The following PRRC2B variants were observed in gnomAD, a reference collection of about 807,000 sequenced individuals.
PRRC2B encodes proline rich coiled-coil 2B, also known as protein PRRC2B.
In PRRC2B, 68 loss-of-function variants were observed where a neutral mutation model predicts 242.3. The observed-to-expected ratio is 0.28, with a 90% CI of 0.23 to 0.34. PRRC2B has a LOEUF of 0.34. Ranked by LOEUF, PRRC2B falls within the 10% of genes least tolerant of loss-of-function variation. The pLI is 1.00. For synonymous variants in PRRC2B, 1,228 were observed against 1,173.6 expected (o/e 1.05, Z -0.95); for missense variants, 2,835 against 2,954.8 (o/e 0.96, Z 0.94).
chr9:131,445,546 T>A (rs1308244804), intron 6 of PRRC2B, among the ~76,000 whole-genome samples: 3 of 152,186 alleles, frequency 2.0e-5, no homozygotes, highest in Non-Finnish European at 4.4e-5. Flanking sequence ...AACGTAGACA[T>A]AGAAGAAGCT....
At chr9:131,407,416 CAT>C (rs1837395357) in intron 1 of PRRC2B, among the ~76,000 whole-genome samples, 2 of 152,124 alleles carry the variant, frequency 1.3e-5, no homozygotes, top group African/African-American at 4.8e-5. Flanking sequence ...AGTGAGGGTG[CAT>C]GCTCCCTTTT....
chr9:131,431,966 G>T (rs756081230), intron 2 of PRRC2B, among the ~76,000 whole-genome samples: 1 of 151,680 alleles, frequency 6.6e-6, no homozygotes, highest in Non-Finnish European at 1.5e-5. Context: ...GCTAATTTTT[G>T]TATTTTTAGT....
Position 131,436,658 on chromosome 9 carries a change from C to T in PRRC2B, c.332C>T (p.Pro111Leu), listed in dbSNP as rs376010304. 174 of 1,614,030 alleles carry T rather than the reference C, an allele frequency of 1.1e-4. No homozygotes were observed. Among genetic ancestry groups the T allele is most frequent in the African/African-American group, 1.5e-4 (11 of 75,054 alleles). ...ATASQPPESL[P>L]QPGLQKSVSN... ...GCCTCTCAGCCGCCGGAGTCGCTGC[C>T]GCAGCCGGGTTTGCAGAAATCTGTC... The change falls in exon 4 of 32, where the codon CCG becomes CTG. Residue 111 changes from proline to leucine, a missense_variant. Physicochemically the swap from Pro to Leu is moderately conservative, Grantham distance 98. Transcript: ENST00000683519.
At chr9:131,447,387 T>C (rs544076981) in intron 8 of PRRC2B, among the ~76,000 whole-genome samples, 181 bp downstream of exon 8, 39 of 151,730 alleles carry the variant, frequency 2.6e-4, no homozygotes, top group Non-Finnish European at 5.6e-4. Flanking sequence ...ACAGATTGAG[T>C]CATGATTTCA....
intron 1 of PRRC2B, among the ~76,000 whole-genome samples, chr9:131,418,932 G>T (rs1433514813): frequency 6.6e-6 from 1 of 152,212 alleles, no homozygotes; most frequent in African/African-American, 2.4e-5. Flanking sequence ...GAATTTAAGT[G>T]GCTCATGCTG....
chr9:131,418,167 G>C (rs1837708232), intron 1 of PRRC2B, among the ~76,000 whole-genome samples: 1 of 152,218 alleles, frequency 6.6e-6, no homozygotes. Context: ...ATTGCATCAG[G>C]GTGCTGGTGG....
At chr9:131,460,056 A>AT (rs1299495295) in intron 11 of PRRC2B, among the ~76,000 whole-genome samples, 2 of 151,378 alleles carry the variant, frequency 1.3e-5, no homozygotes, top group East Asian at 3.9e-4. Flanking sequence ...TACAAACAAT[A>AT]TTTTTTCTAA....
At position 131,475,805 on chromosome 9, in the gene PRRC2B, C is replaced by G. The variant is rs769475749; in HGVS notation, c.3676C>G (p.His1226Asp). ...RRTFVSKESP[H>D]WQSKSPGSSW... ...AACCTTCGTCTCCAAAGAGTCACCC[C>G]ACTGGCAGAGCAAAAGTCCAGGCAG... Residue 1226 changes from histidine (H) to aspartate (D), a missense_variant, in exon 16 of 32, where the codon CAC becomes GAC. Coordinates refer to ENST00000683519, the MANE Select transcript of PRRC2B (RefSeq NM_013318.4). 7 of 1,612,914 alleles carry G rather than the reference C, an allele frequency of 4.3e-6. No individual in the cohort carries two copies. Among genetic ancestry groups the G allele is most frequent in the Non-Finnish European group, 5.9e-6 (7 of 1,179,040 alleles).
At chr9:131,376,044 CTCAA>C (rs1836679564) in intron 1 of PRRC2B, among the ~76,000 whole-genome samples, 1 of 78,042 alleles carries the variant, frequency 1.3e-5, no homozygotes, top group Non-Finnish European at 2.3e-5. Context: ...GTGAGACTGT[CTCAA>C]AAAAAAAAAA....
intron 1 of PRRC2B, among the ~76,000 whole-genome samples, chr9:131,377,921 A>G (rs1230948552): frequency 6.6e-6 from 1 of 152,040 alleles, no homozygotes; most frequent in Non-Finnish European, 1.5e-5. Flanking sequence ...ACACCTGGCT[A>G]ATTTTTAAAT....
At chr9:131,481,873 A>G (rs1187911522) in intron 20 of PRRC2B, 65 bp downstream of exon 20, 12 of 1,430,270 alleles carry the variant, frequency 8.4e-6, no homozygotes, top group Non-Finnish European at 1.1e-5. Flanking sequence ...CTCACCATCC[A>G]CACGGCCAGC....
Position 131,475,319 on chromosome 9 carries a change from G to T in PRRC2B, c.3190G>T (p.Ala1064Ser), listed in dbSNP as rs1251605583. The stretch of plus-strand genomic sequence containing the variant: ...GCAAGCCTTTGGGGTCAGAGGACAG[G>T]CCCGGGGCCGGGGCCGTGGTTTCAG... ...EEQAFGVRGQARGRGRGFREF... is the reference protein window; with the variant it reads ...EEQAFGVRGQSRGRGRGFREF... Residue 1064 changes from alanine (A) to serine (S), a missense_variant, in exon 16 of 32, where the codon GCC (alanine) becomes TCC (serine). This residue lies in a region of PRRC2B where 1,536 missense variants were observed against 1,483.1 expected (regional missense o/e 1.04). Coordinates refer to ENST00000683519, the MANE Select transcript of PRRC2B (RefSeq NM_013318.4). 1 of 1,598,092 alleles carries T rather than the reference G, an allele frequency of 6.3e-7. No individual in the cohort carries two copies. The highest frequency in any genetic ancestry group is 8.5e-7 in the Non-Finnish European group (1 of 1,173,196).
intron 1 of PRRC2B, among the ~76,000 whole-genome samples, chr9:131,424,026 C>G (rs1015892276): frequency 7.2e-5 from 11 of 152,118 alleles, no homozygotes; most frequent in African/African-American, 2.7e-4. Flanking sequence ...ACCTCCACCT[C>G]CCAGGCTCAA....
chr9:131,466,154 A>G lies in PRRC2B; in HGVS notation c.1720+1076A>G, dbSNP rs147093453. Among the ~76,000 whole-genome samples, 277 of 152,370 alleles carry G rather than the reference A, an allele frequency of 1.8e-3. 2 individuals are homozygous for G. The highest frequency in any genetic ancestry group is 6.3e-3 in the African/African-American group (262 of 41,598). On this transcript the variant is annotated intron_variant, in intron 12 of 31. Transcript: ENST00000683519. ...AAATAAACTCAGATCAGCTCTTGTT[A>G]GGAGACAAGGGGATGTTTGAGGCTC...
intron 1 of PRRC2B, among the ~76,000 whole-genome samples, chr9:131,401,494 C>G (rs1289139720): frequency 2.0e-5 from 3 of 150,994 alleles, no homozygotes; most frequent in Non-Finnish European, 4.4e-5. Flanking sequence ...GGATTACAGG[C>G]ACACGCCACC....
At chr9:131,413,992 AAAAC>A (rs1434482079) in intron 1 of PRRC2B, among the ~76,000 whole-genome samples, 1 of 152,226 alleles carries the variant, frequency 6.6e-6, no homozygotes, top group Non-Finnish European at 1.5e-5. Context: ...TTCTTGAAGA[AAAAC>A]AAAGCTGAAG....
At chr9:131,377,343 A>C (rs1000332522) in intron 1 of PRRC2B, among the ~76,000 whole-genome samples, 1 of 152,102 alleles carries the variant, frequency 6.6e-6, no homozygotes, top group African/African-American at 2.4e-5. Flanking sequence ...TCAATCTCCT[A>C]ACCTCGTGAT....
At chr9:131,495,637 C>T in intron 31 of PRRC2B, 103 bp from the exon 32 acceptor site, 1 of 1,354,086 alleles carries the variant, frequency 7.4e-7, no homozygotes, top group African/African-American at 1.4e-5. Flanking sequence ...CTTAGGGGAG[C>T]TTTCCCTGCA....
intron 25 of PRRC2B, chr9:131,485,782 C>A (rs748865617): frequency 3.1e-6 from 2 of 655,492 alleles, no homozygotes; most frequent in South Asian, 2.7e-5. Context: ...TAGAATGCCC[C>A]TTCGAGTGTC....
Sources: gnomAD v4.1 joint callset for allele counts (sites outside exome capture counted in the v4.1 genomes callset) on GRCh38, gnomAD v4.1.1 for gene constraint, gnomAD v4.1.1 regional missense constraint, MANE v1.5 for transcripts, NCBI Gene and HGNC (gene_info 2026-07-23, HGNC 2026-07-21) for gene names.